The following SLC7A8 variants were observed in gnomAD, a reference collection of about 807,000 sequenced individuals.
SLC7A8 encodes solute carrier family 7 member 8, also known as large neutral amino acids transporter small subunit 2.
A neutral mutation model predicts 51.2 loss-of-function variants in SLC7A8; 30 were observed. That is an observed-to-expected ratio of 0.59 (90% confidence interval 0.44 to 0.80). The LOEUF is 0.80. Ranked by LOEUF, SLC7A8 falls within the 30% of genes least tolerant of loss-of-function variation. SLC7A8 has a pLI of 0.00. For missense variants in SLC7A8, 612 were observed against 674.4 expected (o/e 0.91, Z 1.03); for synonymous variants, 257 against 275.8 (o/e 0.93, Z 0.67).
Position 23,183,059 on chromosome 14 carries a change from A to G in SLC7A8, c.-145T>C. 1 of 931,434 alleles carries G rather than the reference A, an allele frequency of 1.1e-6. No individual in the cohort carries two copies. Among genetic ancestry groups the G allele is most frequent in the Non-Finnish European group, 1.6e-6 (1 of 632,954 alleles). 57.7% of individuals were successfully genotyped at this position (931,434 alleles called of 1,614,324 possible). Reference sequence around the variant, plus strand: ...ACTCTCTAAAAAAGGCAAGCAGATAAAAGAGAACACGAAAAATATTCCTAC... The same window carrying G: ...ACTCTCTAAAAAAGGCAAGCAGATAGAAGAGAACACGAAAAATATTCCTAC... On this transcript the variant is annotated 5_prime_UTR_variant, in exon 1 of 11. Coordinates refer to ENST00000316902, the MANE Select transcript of SLC7A8 (RefSeq NM_012244.4).
At chr14:23,171,039 T>C (rs1408494247) in intron 1 of SLC7A8, among the ~76,000 whole-genome samples, 2 of 151,640 alleles carry the variant, frequency 1.3e-5, no homozygotes, top group African/African-American at 4.8e-5. Context: ...AACACACGTT[T>C]CTTGATGAGA....
chr14:23,141,303 A>C (rs76969751), intron 4 of SLC7A8, among the ~76,000 whole-genome samples: 5,321 of 152,308 alleles, frequency 0.035, 127 homozygotes, highest in Middle Eastern at 0.12. Flanking sequence ...AAAAAAGAAA[A>C]AAACAAACAA....
intron 3 of SLC7A8, among the ~76,000 whole-genome samples, chr14:23,161,112 C>G (rs1471531243): frequency 1.3e-5 from 2 of 152,064 alleles, no homozygotes; most frequent in Admixed American, 1.3e-4. Flanking sequence ...CCTTCCCTCT[C>G]CCTCTCCTCT....
intron 4 of SLC7A8, 66 bp from the exon 5 acceptor site, chr14:23,140,690 GCC>G: frequency 6.5e-7 from 1 of 1,530,916 alleles, no homozygotes; most frequent in Non-Finnish European, 8.9e-7. Context: ...CCCCTGGCCT[GCC>G]CTGGCCCACC....
At chr14:23,131,758 T>G (rs1433723572) in intron 7 of SLC7A8, among the ~76,000 whole-genome samples, 1 of 152,112 alleles carries the variant, frequency 6.6e-6, no homozygotes, top group Non-Finnish European at 1.5e-5. Context: ...AGGCAGCCAG[T>G]GGAAAAGTGG....
chr14:23,141,565 T>G (rs2140313525), intron 4 of SLC7A8, among the ~76,000 whole-genome samples: 1 of 152,312 alleles, frequency 6.6e-6, no homozygotes, highest in African/African-American at 2.4e-5. Flanking sequence ...TTCTCCTGCT[T>G]TGGCCTCCTG....
In SLC7A8 at chr14:23,139,461, G is replaced by A. The variant is rs769308396; in HGVS notation, c.875C>T (p.Ser292Phe). The A allele has an allele frequency of 1.2e-6, 2 of 1,614,148 alleles. No individual in the cohort carries two copies. Among genetic ancestry groups the A allele is most frequent in the African/African-American group, 1.3e-5 (1 of 75,038 alleles). The change falls in exon 6 of 11, where the codon TCC becomes TTC. Residue 292 changes from serine to phenylalanine, a missense_variant. Physicochemically the swap from Ser to Phe is radical, Grantham distance 155 (BLOSUM62 -2). Transcript: ENST00000316902. ...GTTGGATGCCAGCAGCTCCTGGGGG[G>A]ACATTGCAGTGACATAAGCGACATT... ...FANVAYVTAM[S>F]PQELLASNAV...
At chr14:23,158,828 C>T (rs953553222) in intron 3 of SLC7A8, among the ~76,000 whole-genome samples, 4 of 152,170 alleles carry the variant, frequency 2.6e-5, no homozygotes, top group African/African-American at 9.7e-5. Flanking sequence ...TTACTTCATT[C>T]TTAGTTCAGG....
At chr14:23,143,039 A>G (rs749346084) in intron 4 of SLC7A8, 40 bp downstream of exon 4, 6 of 1,609,066 alleles carry the variant, frequency 3.7e-6, no homozygotes, top group Non-Finnish European at 5.1e-6. Flanking sequence ...ATGCAAGGGG[A>G]GGAAAGCTGG....
intron 1 of SLC7A8, among the ~76,000 whole-genome samples, chr14:23,168,385 C>T (rs565278893): frequency 2.0e-5 from 3 of 152,296 alleles, no homozygotes; most frequent in African/African-American, 7.2e-5. Flanking sequence ...AACTGCTGTT[C>T]TCTGGACAAT....
Position 23,128,432 on chromosome 14 carries a change from A to G in SLC7A8, c.1264-236T>C. 1 of 1,418,160 alleles carries G rather than the reference A, an allele frequency of 7.1e-7. No individual in the cohort carries two copies. 87.8% of individuals were successfully genotyped at this position (1,418,160 alleles called of 1,614,324 possible). On this transcript the variant is annotated intron_variant, in intron 9 of 10. Coordinates refer to ENST00000316902, the MANE Select transcript of SLC7A8 (RefSeq NM_012244.4). The surrounding 1 kb of genome is among the most constrained non-coding windows in gnomAD (Gnocchi z 4.3). ...AGAGGATGGGGAGGAGTTAGGGAGG[A>G]AACGATCCTCCTTGCCCATGTCCTC...
At chr14:23,154,344 G>A (rs2048872742) in intron 3 of SLC7A8, 6 of 999,928 alleles carry the variant, frequency 6.0e-6, no homozygotes, top group Non-Finnish European at 7.2e-6. Context: ...GGAGCAAAAG[G>A]GGTGAGGCAT....
intron 3 of SLC7A8, among the ~76,000 whole-genome samples, chr14:23,154,640 G>A (rs1385335799): frequency 6.6e-6 from 1 of 152,184 alleles, no homozygotes; most frequent in Non-Finnish European, 1.5e-5. Context: ...AAACACGGAG[G>A]CCTGTTTGAC....
chr14:23,129,482 T>C, intron 9 of SLC7A8, 168 bp downstream of exon 9: 1 of 684,278 alleles, frequency 1.5e-6, no homozygotes, highest in Non-Finnish European at 2.4e-6. Context: ...CAGTGGAGAA[T>C]GGAAATAGTG....
In SLC7A8 at chr14:23,182,923, G is replaced by A; in HGVS notation, c.-9C>T. The A allele has an allele frequency of 6.2e-7, 1 of 1,614,098 alleles. No homozygotes were observed. Among genetic ancestry groups the A allele is most frequent in the Non-Finnish European group, 8.5e-7 (1 of 1,180,008 alleles). On this transcript the variant is annotated 5_prime_UTR_variant, in exon 1 of 11. Coordinates refer to ENST00000316902, the MANE Select transcript of SLC7A8 (RefSeq NM_012244.4). ...CTGGCTCCTTCTTCCATCCTTCTCA[G>A]TAGGATTGCAACCTCAAAAGCTGCC...
At chr14:23,161,267 A>T (rs764061058) in intron 3 of SLC7A8, among the ~76,000 whole-genome samples, 36 of 151,700 alleles carry the variant, frequency 2.4e-4, no homozygotes, top group Non-Finnish European at 4.9e-4. Flanking sequence ...ACTTGGCCTC[A>T]TCTCCTCCCT....
At chr14:23,162,859 G>C (rs1181156997) in intron 3 of SLC7A8, among the ~76,000 whole-genome samples, 1 of 152,118 alleles carries the variant, frequency 6.6e-6, no homozygotes, top group African/African-American at 2.4e-5. Context: ...TCCTCTCCTA[G>C]GGTGCAAACT....
chr14:23,139,366 A>G (rs1390212180), intron 6 of SLC7A8, 58 bp downstream of exon 6: 5 of 1,610,450 alleles, frequency 3.1e-6, no homozygotes, highest in Non-Finnish European at 4.2e-6. Context: ...GTGGGGCTAC[A>G]GCAGGCAAGT....
At position 23,165,545 on chromosome 14, in the gene SLC7A8, G is replaced by T. The variant is rs543514143; in HGVS notation, c.357-109C>A. 3.4e-6 allele frequency: 4 copies of T among 1,191,180 alleles called. No individual in the cohort carries two copies. In the Middle Eastern group the frequency reaches 7.5e-4, roughly 224 times the overall value. The allele number at this position is 1,191,180 out of a possible 1,614,324, so 73.8% of individuals were successfully genotyped here. ...CTTTTTTATTTTCAAGGATGCTGAA[G>T]AGCCCAGCCTCTGCCCCCACCCACA... On this transcript the variant is annotated intron_variant, in intron 2 of 10. Coordinates refer to ENST00000316902, the MANE Select transcript of SLC7A8 (RefSeq NM_012244.4). The surrounding 1 kb of genome is among the most constrained non-coding windows in gnomAD (Gnocchi z 4.2).
Sources: gnomAD v4.1 joint callset for allele counts (sites outside exome capture counted in the v4.1 genomes callset) on GRCh38, gnomAD v4.1.1 for gene constraint, Gnocchi (gnomAD v3.1) non-coding constraint, MANE v1.5 for transcripts, NCBI Gene and HGNC (gene_info 2026-07-23, HGNC 2026-07-21) for gene names.